Variants in HEATR5B observed in about 807,000 individuals in gnomAD.
HEATR5B encodes the protein HEAT repeat containing 5B.
Under a neutral mutation model 224.1 loss-of-function variants are expected in HEATR5B, and 156 were observed. The observed-to-expected ratio is 0.70, with a 90% confidence interval of 0.61 to 0.80. The LOEUF is 0.80. Among genes scored for constraint, HEATR5B ranks in the 30% least tolerant of loss-of-function variants. The pLI is 0.00. For missense variants in HEATR5B, 2,323 were observed against 2,535.5 expected (o/e 0.92, Z 1.80); for synonymous variants, 1,027 against 893.0 (o/e 1.15, Z -2.68).
intron 24 of HEATR5B, among the ~76,000 whole-genome samples, chr2:37,025,632 C>G (rs557156841): frequency 1.5e-4 from 22 of 151,406 alleles, no homozygotes; most frequent in Non-Finnish European, 2.8e-4. Context: ...CTTAAGATTA[C>G]TAATGAAGGC....
chr2:37,018,471 G>A (rs755270625), intron 26 of HEATR5B, among the ~76,000 whole-genome samples: 1 of 152,108 alleles, frequency 6.6e-6, no homozygotes, highest in Non-Finnish European at 1.5e-5. Context: ...TACCAACAAC[G>A]TTTCTTTTCT....
At chr2:37,033,839 T>C (rs1449152398) in intron 21 of HEATR5B, among the ~76,000 whole-genome samples, 2 of 152,140 alleles carry the variant, frequency 1.3e-5, no homozygotes, top group East Asian at 3.9e-4. Flanking sequence ...GTAAAATGCT[T>C]ACAATGCTGG....
At chr2:37,037,507 G>A (rs557593714) in intron 21 of HEATR5B, among the ~76,000 whole-genome samples, 1 of 152,146 alleles carries the variant, frequency 6.6e-6, no homozygotes, top group South Asian at 2.1e-4. Flanking sequence ...AAAGGTAAAA[G>A]AGAACACCAG....
rs146125045 is a variant in HEATR5B, at chr2:37,073,935, G to C, written c.597+1550C>G. On this transcript the variant is annotated intron_variant, in intron 5 of 35. Transcript: ENST00000233099. ...AAATGGATCAATGAAACAGCACAGA[G>C]AGTCCAAAATTATACCTACACATAT... Among the ~76,000 whole-genome samples the C allele has an allele frequency of 3.4e-3, 517 of 152,306 alleles. 2 individuals are homozygous for C. The highest frequency in any genetic ancestry group is 0.012 in the African/African-American group (496 of 41,560).
chr2:37,054,190 C>CTTTTTTT (rs1242821499), intron 16 of HEATR5B, among the ~76,000 whole-genome samples: 3 of 93,738 alleles, frequency 3.2e-5, no homozygotes, highest in Non-Finnish European at 4.1e-5. Context: ...GATGATTTCT[C>CTTTTTTT]TGTTTTTTTT....
chr2:36,989,746 AG>A (rs1202216569), intron 34 of HEATR5B, among the ~76,000 whole-genome samples: 1 of 152,176 alleles, frequency 6.6e-6, no homozygotes, highest in Non-Finnish European at 1.5e-5. Context: ...ACACAGTGGA[AG>A]AAAACCATTT....
chr2:37,018,379 A>G (rs1390945920), intron 26 of HEATR5B, among the ~76,000 whole-genome samples: 1 of 152,198 alleles, frequency 6.6e-6, no homozygotes, highest in African/African-American at 2.4e-5. Flanking sequence ...TATGGACAGT[A>G]ATTTTTTGAT....
chr2:36,989,899 CTTTTTTT>C (rs766148486), intron 34 of HEATR5B, among the ~76,000 whole-genome samples: 2 of 88,912 alleles, frequency 2.2e-5, no homozygotes, highest in South Asian at 4.1e-4. Context: ...AGAATGTTTC[CTTTTTTT>C]TTTTTTTTTT....
intron 33 of HEATR5B, 96 bp downstream of exon 33, chr2:37,000,490 G>A (rs923806931): frequency 1.1e-5 from 10 of 883,636 alleles, no homozygotes; most frequent in Non-Finnish European, 1.7e-5. Flanking sequence ...ATGATTCATT[G>A]TTATACAGCA....
intron 12 of HEATR5B, among the ~76,000 whole-genome samples, chr2:37,059,462 A>ATTTTTTTTT (rs1287761202): frequency 1.1e-5 from 1 of 93,908 alleles, no homozygotes; most frequent in South Asian, 4.1e-4. Context: ...ATATATATAT[A>ATTTTTTTTT]TATTTTTTTT....
intron 33 of HEATR5B, among the ~76,000 whole-genome samples, chr2:36,993,308 T>C (rs1030843442): frequency 6.6e-6 from 1 of 151,850 alleles, no homozygotes; most frequent in African/African-American, 2.4e-5. Context: ...AGGCCGAGGT[T>C]GGGGGATCAC....
chr2:37,015,605 T>G (rs1219695265), intron 26 of HEATR5B, among the ~76,000 whole-genome samples: 1 of 152,150 alleles, frequency 6.6e-6, no homozygotes, highest in Non-Finnish European at 1.5e-5. Flanking sequence ...GCTTCTGACT[T>G]GAATGGAAGG....
rs1448006926 is a variant in HEATR5B at position 37,084,335 on chromosome 2, G to T, written c.-89C>A. 5 of 413,858 alleles carry T rather than the reference G, an allele frequency of 1.2e-5. No homozygotes were observed. The highest frequency in any genetic ancestry group is 8.8e-5 in the Admixed American group (2 of 22,658). 25.6% of individuals were successfully genotyped at this position (413,858 alleles called of 1,614,324 possible). A position where few individuals can be genotyped will look rare whatever the true frequency, so the allele number is the denominator to read the frequency against. ...GAAGCAGCCACCAAGAGACCCGGAT[G>T]CCCCACCTCCCGCACTCCTACCTGC... On this transcript the variant is annotated 5_prime_UTR_variant, in exon 1 of 36. Coordinates refer to ENST00000233099, the MANE Select transcript of HEATR5B (RefSeq NM_019024.3).
intron 35 of HEATR5B, among the ~76,000 whole-genome samples, chr2:36,987,190 A>G (rs558052294): frequency 1.3e-5 from 2 of 152,282 alleles, no homozygotes; most frequent in Non-Finnish European, 2.9e-5. Context: ...GCACTTTGGG[A>G]GGCTGAGGCA....
chr2:37,068,647 G>A, intron 8 of HEATR5B, 34 bp downstream of exon 8: 1 of 1,601,550 alleles, frequency 6.2e-7, no homozygotes, highest in Non-Finnish European at 8.5e-7. Flanking sequence ...AAATGACTAA[G>A]GTAATCAACA....
At chr2:36,985,492 C>G (rs1382517646) in intron 35 of HEATR5B, among the ~76,000 whole-genome samples, 3 of 140,762 alleles carry the variant, frequency 2.1e-5, no homozygotes, top group African/African-American at 7.9e-5. Context: ...GAGTCTCACT[C>G]TGTTGCCCAG....
intron 6 of HEATR5B, among the ~76,000 whole-genome samples, 191 bp downstream of exon 6, chr2:37,071,919 G>A (rs530144999): frequency 5.9e-5 from 9 of 152,188 alleles, no homozygotes; most frequent in African/African-American, 7.2e-5. Flanking sequence ...TCCTGACCTC[G>A]TGATCCACCT....
intron 15 of HEATR5B, among the ~76,000 whole-genome samples, 155 bp from the exon 16 acceptor site, chr2:37,056,770 T>C (rs1572903528): frequency 6.6e-6 from 1 of 152,120 alleles, no homozygotes. Flanking sequence ...CAAAATGTAA[T>C]TTGGTCATTA....
Position 37,002,366 on chromosome 2 carries a change from G to A in HEATR5B, c.5257C>T (p.Arg1753Cys), listed in dbSNP as rs1667143361. The change falls in exon 32 of 36, where the codon CGT (arginine) becomes TGT (cysteine). Residue 1753 changes from arginine (R) to cysteine (C), a missense_variant. Physicochemically the swap from Arg to Cys is radical, Grantham distance 180. This residue lies in a region of HEATR5B where 844 missense variants were observed against 812.9 expected (regional missense o/e 1.04). Coordinates refer to ENST00000233099, the MANE Select transcript of HEATR5B (RefSeq NM_019024.3). ...ATGGTAACTGTGGCTGCCACCAAAC[G>A]AGCACTTTCTTCTGATAGTCGAGTT... is the stretch of plus-strand genomic sequence containing the variant. ...TKTRLSEESA[R>C]LVAATVTILS... 6 of 1,614,164 alleles carry A rather than the reference G, an allele frequency of 3.7e-6. No homozygotes were observed. Among genetic ancestry groups the A allele is most frequent in the South Asian group, 1.1e-5 (1 of 91,074 alleles).
Sources: gnomAD v4.1 joint callset for allele counts (sites outside exome capture counted in the v4.1 genomes callset) on GRCh38, gnomAD v4.1.1 for gene constraint, gnomAD v4.1.1 regional missense constraint, MANE v1.5 for transcripts, NCBI Gene and HGNC (gene_info 2026-07-23, HGNC 2026-07-21) for gene names.